MYBL2: variants seen among roughly 807,000 people sequenced by gnomAD.
MYBL2 encodes myb-related protein B.
Under a neutral mutation model 79.9 loss-of-function variants are expected in MYBL2, and 28 were observed. That is an observed-to-expected ratio of 0.35 (90% CI 0.26 to 0.48). The LOEUF (loss-of-function observed/expected upper bound fraction) is 0.48. MYBL2 is among the 20% of genes least tolerant of loss of function. MYBL2 has a pLI of 0.99. For missense variants in MYBL2, 735 were observed against 893.9 expected (o/e 0.82, Z 2.27); for synonymous variants, 378 against 361.2 (o/e 1.05, Z -0.53).
In MYBL2 at chr20:43,702,513, G is replaced by A. The variant is rs772401035; in HGVS notation, c.975G>A (p.Leu325=). ...AGGACCCTGATGCTTGGTGTGACCT[G>A]AGTAAATTTGACCTCCCTGAGGAAC... The part of the protein sequence containing the change: ...IESDPDAWCD[L]SKFDLPEEPS... The change falls in exon 8 of 14, where the codon CTG becomes CTA. Residue 325 remains leucine (L), a synonymous_variant. Transcript: ENST00000217026. 6.2e-7 allele frequency: 1 copy of A among 1,607,820 alleles called. No homozygotes were observed. The highest frequency in any genetic ancestry group is 1.1e-5 in the South Asian group (1 of 90,860).
intron 9 of MYBL2, among the ~76,000 whole-genome samples, chr20:43,705,850 G>A (rs1048264531): frequency 2.5e-4 from 38 of 151,968 alleles, no homozygotes; most frequent in African/African-American, 8.5e-4. Flanking sequence ...ACAGGCATCC[G>A]CCACCGCGCT....
chr20:43,680,256 G>C (rs1056078367), intron 2 of MYBL2, among the ~76,000 whole-genome samples: 2 of 152,076 alleles, frequency 1.3e-5, no homozygotes, highest in African/African-American at 4.8e-5. Flanking sequence ...TCAAACTCCT[G>C]ACCTCAGGTG....
rs1987896005 is a variant in MYBL2, at chr20:43,711,142, G to A, written c.1606-346G>A. The stretch of plus-strand genomic sequence containing the variant: ...TGAGCCTGGGCTTTGAGCTGTCGGG[G>A]TCCTAATTCAGCAGCTGTGTGACTG... On this transcript the variant is annotated intron_variant, in intron 10 of 13. Coordinates refer to ENST00000217026, the MANE Select transcript of MYBL2 (RefSeq NM_002466.4). Among the ~76,000 whole-genome samples the A allele has an allele frequency of 2.0e-5, 3 of 152,262 alleles. No homozygotes were observed. The East Asian group carries it at 5.8e-4, about 29-fold the overall frequency.
chr20:43,679,628 C>G (rs1987099214), intron 2 of MYBL2, among the ~76,000 whole-genome samples: 1 of 151,798 alleles, frequency 6.6e-6, no homozygotes, highest in Non-Finnish European at 1.5e-5. Flanking sequence ...AAATACCCAC[C>G]AACTTGGTGG....
chr20:43,683,962 T>C (rs1007381016), intron 4 of MYBL2, among the ~76,000 whole-genome samples: 1 of 152,050 alleles, frequency 6.6e-6, no homozygotes, highest in Non-Finnish European at 1.5e-5. Flanking sequence ...GGGGGTTCGC[T>C]CTGTCACCCA....
chr20:43,673,940 G>A (rs1355449061), intron 2 of MYBL2, 41 bp downstream of exon 2: 1 of 1,505,652 alleles, frequency 6.6e-7, no homozygotes, highest in African/African-American at 1.4e-5. Context: ...GCAGCTGGGG[G>A]CTGTCCAGAG....
At chr20:43,685,401 G>A (rs1252927015) in intron 4 of MYBL2, among the ~76,000 whole-genome samples, 2 of 151,716 alleles carry the variant, frequency 1.3e-5, no homozygotes, top group Admixed American at 6.6e-5. Flanking sequence ...GGCTGGTCTT[G>A]AACTCCTGAC....
intron 6 of MYBL2, among the ~76,000 whole-genome samples, chr20:43,694,152 G>C (rs1475569101): frequency 6.6e-6 from 1 of 151,942 alleles, no homozygotes; most frequent in African/African-American, 2.4e-5. Flanking sequence ...CTAACACGGT[G>C]AAACCCCGTC....
chr20:43,670,292 C>T (rs1237371707), intron 1 of MYBL2, among the ~76,000 whole-genome samples: 1 of 152,158 alleles, frequency 6.6e-6, no homozygotes. Context: ...AAGCCAACTT[C>T]ATTCTGTTAT....
intron 8 of MYBL2, among the ~76,000 whole-genome samples, chr20:43,703,809 G>A (rs1242549906): frequency 1.3e-5 from 2 of 151,938 alleles, no homozygotes; most frequent in African/African-American, 4.8e-5. Flanking sequence ...CTGCTTAACA[G>A]AGTACCACAG....
At chr20:43,706,905 G>A (rs1447729507) in intron 9 of MYBL2, among the ~76,000 whole-genome samples, 2 of 151,038 alleles carry the variant, frequency 1.3e-5, no homozygotes, top group Admixed American at 6.6e-5. Flanking sequence ...TAGTAGAAAC[G>A]AGGTTTCACC....
intron 5 of MYBL2, among the ~76,000 whole-genome samples, chr20:43,690,620 G>A (rs984421944): frequency 1.3e-5 from 2 of 152,226 alleles, no homozygotes; most frequent in South Asian, 4.1e-4. Flanking sequence ...GGCTTAGAGT[G>A]CAAATGATCC....
intron 1 of MYBL2, among the ~76,000 whole-genome samples, chr20:43,672,521 G>A (rs929810589): frequency 6.6e-6 from 1 of 152,154 alleles, no homozygotes; most frequent in Non-Finnish European, 1.5e-5. Context: ...CAAGGTGGGA[G>A]GATTGTTTAA....
chr20:43,705,874 G>T (rs1029212839), intron 9 of MYBL2, among the ~76,000 whole-genome samples: 2 of 151,774 alleles, frequency 1.3e-5, no homozygotes, highest in Non-Finnish European at 2.9e-5. Flanking sequence ...CTAATTTTTT[G>T]TATTTTTAGT....
intron 2 of MYBL2, among the ~76,000 whole-genome samples, chr20:43,678,251 G>A (rs997173489): frequency 2.0e-4 from 30 of 151,118 alleles, no homozygotes; most frequent in East Asian, 5.9e-4. Flanking sequence ...CTATTGTCCT[G>A]TGACCCTGCC....
At chr20:43,699,311 G>A (rs933819195) in intron 6 of MYBL2, among the ~76,000 whole-genome samples, 1 of 151,934 alleles carries the variant, frequency 6.6e-6, no homozygotes, top group South Asian at 2.1e-4. Flanking sequence ...CTCCCAAAGT[G>A]TTGGGATTAC....
intron 2 of MYBL2, among the ~76,000 whole-genome samples, chr20:43,678,936 G>T (rs534311072): frequency 4.0e-5 from 6 of 151,770 alleles, no homozygotes; most frequent in Admixed American, 3.3e-4. Context: ...GTGGGAGAGG[G>T]CGCTGTGCCA....
At chr20:43,668,371 T>G (rs1986775343) in intron 1 of MYBL2, among the ~76,000 whole-genome samples, 1 of 151,818 alleles carries the variant, frequency 6.6e-6, no homozygotes, top group South Asian at 2.1e-4. Flanking sequence ...GGGCTAATTT[T>G]TTGTATGTTT....
chr20:43,697,373 G>A (rs1223861648), intron 6 of MYBL2, among the ~76,000 whole-genome samples: 1 of 152,164 alleles, frequency 6.6e-6, no homozygotes, highest in African/African-American at 2.4e-5. Flanking sequence ...ACTTTGGGAG[G>A]CTGAAGTGGG....
Sources: allele counts gnomAD v4.1 joint callset (sites outside exome capture counted in the v4.1 genomes callset), GRCh38; gene constraint gnomAD v4.1.1; transcripts MANE v1.5; gene names NCBI Gene and HGNC (gene_info 2026-07-23, HGNC 2026-07-21).